Variants in CFAP43 observed in about 807,000 individuals in gnomAD.
CFAP43 encodes the protein cilia- and flagella-associated protein 43.
CFAP43 carries 155 observed loss-of-function variants against 218.9 expected under a neutral mutation model. The observed-to-expected ratio is 0.71, with a 90% confidence interval of 0.62 to 0.81. CFAP43 has a LOEUF of 0.81. Ranked by LOEUF, CFAP43 falls within the 30% of genes least tolerant of loss-of-function variation. CFAP43 has a pLI of 0.00. For synonymous variants in CFAP43, 645 were observed against 681.3 expected, an observed-to-expected ratio of 0.95 and a Z score of 0.83; for missense variants, 1,778 against 1,954.3, an observed-to-expected ratio of 0.91 and a Z score of 1.70.
intron 3 of CFAP43, among the ~76,000 whole-genome samples, chr10:104,219,170 A>G (rs945993763): frequency 6.6e-6 from 1 of 150,934 alleles, no homozygotes; most frequent in Non-Finnish European, 1.5e-5. Context: ...GAATAGCATC[A>G]GAGTGTCCCT....
At position 104,140,839 on chromosome 10, in the gene CFAP43, T is replaced by C; in HGVS notation, c.4431+3A>G. 6.3e-7 allele frequency: 1 copy of C among 1,588,106 alleles called. No individual in the cohort carries two copies. Among genetic ancestry groups the C allele is most frequent in the Non-Finnish European group, 8.5e-7 (1 of 1,171,114 alleles). On this transcript the variant is annotated splice_donor_region_variant and intron_variant, in intron 34 of 37. Transcript: ENST00000357060. ...TTAAAATAAAAATAAAAAGTATAAT[T>C]ACCCGAATCACAGAATTCAAGTCTT...
rs1323522801 is a variant in CFAP43, at chr10:104,203,700, T to A, written c.1067A>T (p.Tyr356Phe). 3 of 1,610,816 alleles carry A rather than the reference T, an allele frequency of 1.9e-6. No individual in the cohort carries two copies. The highest frequency in any genetic ancestry group is 2.5e-6 in the Non-Finnish European group (3 of 1,178,718). Residue 356 changes from tyrosine (Y) to phenylalanine (F), a missense_variant, in exon 8 of 38, where the codon TAT becomes TTT. Coordinates refer to ENST00000357060, the MANE Select transcript of CFAP43 (RefSeq NM_025145.7). ...PVEHMTFSPN[Y>F]TVLLIQTDKG... Reference sequence around the variant, plus strand: ...GTCTGTTTGAATCAGCAACACTGTATAATTGGGAGAAAATGTCATATGTTC... The same window carrying A: ...GTCTGTTTGAATCAGCAACACTGTAAAATTGGGAGAAAATGTCATATGTTC...
Position 104,225,492 on chromosome 10 carries a change from A to G in CFAP43, c.385T>C (p.Ser129Pro). 6.2e-7 allele frequency: 1 copy of G among 1,612,912 alleles called. No individual in the cohort carries two copies. The highest frequency in any genetic ancestry group is 8.5e-7 in the Non-Finnish European group (1 of 1,179,248). ...GCCAGTTCAAATTCTGGGAGAGAGG[A>G]GTAACTAGCCAGGTAGGTGCCACAG... Reference protein sequence around the residue: ...SYCGTYLASYSSLPEFELALW... With the variant: ...SYCGTYLASYPSLPEFELALW... Residue 129 changes from serine (S) to proline (P), a missense_variant, in exon 3 of 38, where the codon TCC (serine) becomes CCC (proline). Ser to Pro is a moderately conservative substitution (Grantham distance 74). Transcript: ENST00000357060.
At chr10:104,168,625 G>A in intron 21 of CFAP43, 119 bp downstream of exon 21, 1 of 751,584 alleles carries the variant, frequency 1.3e-6, no homozygotes, top group Non-Finnish European at 2.2e-6. Flanking sequence ...ATAGGAAGGG[G>A]CAAGCCATGC....
At chr10:104,146,030 T>C (rs1028640708) in intron 30 of CFAP43, among the ~76,000 whole-genome samples, 2 of 152,188 alleles carry the variant, frequency 1.3e-5, no homozygotes, top group Non-Finnish European at 2.9e-5. Context: ...GGCTAGATGA[T>C]TTCCCTGTAT....
intron 20 of CFAP43, 56 bp downstream of exon 20, chr10:104,172,354 A>C: frequency 6.4e-7 from 1 of 1,572,882 alleles, no homozygotes; most frequent in Non-Finnish European, 8.6e-7. Flanking sequence ...CATTCCTATT[A>C]TCTTTTTACT....
At chr10:104,162,440 AC>A (rs1564739871) in intron 24 of CFAP43, 37 bp from the exon 25 acceptor site, 2 of 1,567,848 alleles carry the variant, frequency 1.3e-6, no homozygotes, top group Non-Finnish European at 1.8e-6. Flanking sequence ...TATTATTCTT[AC>A]AAAATTCAAA....
intron 27 of CFAP43, among the ~76,000 whole-genome samples, chr10:104,158,457 C>A (rs1431335290): frequency 6.6e-6 from 1 of 152,054 alleles, no homozygotes. Flanking sequence ...AAATACTGCA[C>A]CTAAATCTAA....
At position 104,209,029 on chromosome 10, in the gene CFAP43, T is replaced by C. The variant is rs59638997; in HGVS notation, c.736-1205A>G. Among the ~76,000 whole-genome samples the C allele has an allele frequency of 1.4e-3, 213 of 152,328 alleles. 5 individuals carry two copies. The East Asian group carries it at 0.039, about 28-fold the overall frequency. ...AATAGATAATGGGATTATTTGATGTTTGTAATTTTTTAAAAGTCCACAACT... is the reference window on the plus strand; with the variant it reads ...AATAGATAATGGGATTATTTGATGTCTGTAATTTTTTAAAAGTCCACAACT... On this transcript the variant is annotated intron_variant, in intron 5 of 37. Coordinates refer to ENST00000357060, the MANE Select transcript of CFAP43 (RefSeq NM_025145.7).
intron 32 of CFAP43, 25 bp from the exon 33 acceptor site, chr10:104,142,418 G>A (rs759158146): frequency 6.3e-7 from 1 of 1,588,314 alleles, no homozygotes; most frequent in Admixed American, 1.7e-5. Flanking sequence ...CCAGAAACAT[G>A]TCAGAACATA....
At chr10:104,173,857 A>C (rs116980416) in intron 19 of CFAP43, among the ~76,000 whole-genome samples, 213 of 152,360 alleles carry the variant, frequency 1.4e-3, no homozygotes, top group Non-Finnish European at 2.6e-3. Flanking sequence ...TAAATCACTA[A>C]ATATTTGGGG....
intron 21 of CFAP43, 149 bp from the exon 22 acceptor site, chr10:104,167,886 T>C: frequency 1.8e-6 from 1 of 551,182 alleles, no homozygotes; most frequent in Non-Finnish European, 3.2e-6. Context: ...TTTTTAAAAA[T>C]AAAACAATGT....
At chr10:104,168,427 A>G (rs997025733) in intron 21 of CFAP43, among the ~76,000 whole-genome samples, 1 of 152,162 alleles carries the variant, frequency 6.6e-6, no homozygotes, top group African/African-American at 2.4e-5. Flanking sequence ...GATTTCGTCT[A>G]CCTTTCAATC....
chr10:104,225,925 T>A (rs1270914062), intron 2 of CFAP43, among the ~76,000 whole-genome samples: 1 of 152,260 alleles, frequency 6.6e-6, no homozygotes, highest in African/African-American at 2.4e-5. Context: ...TTTAAATATC[T>A]TGGGAAGTTG....
chr10:104,193,821 G>A (rs374119324), intron 11 of CFAP43, 45 bp downstream of exon 11: 82 of 1,585,336 alleles, frequency 5.2e-5, no homozygotes, highest in Non-Finnish European at 6.8e-5. Context: ...ATTTTCAACA[G>A]ACGGGTGTGA....
chr10:104,172,014 A>G (rs545506858), intron 20 of CFAP43, among the ~76,000 whole-genome samples: 1 of 152,318 alleles, frequency 6.6e-6, no homozygotes, highest in African/African-American at 2.4e-5. Flanking sequence ...GGGGCCATAG[A>G]GTAGGAAGTG....
chr10:104,135,444 A>T (rs1360308158), intron 34 of CFAP43, among the ~76,000 whole-genome samples: 2 of 152,214 alleles, frequency 1.3e-5, no homozygotes, highest in Non-Finnish European at 1.5e-5. Flanking sequence ...AACAATTTCT[A>T]TTCACAGATT....
At position 104,182,429 on chromosome 10, in the gene CFAP43, C is replaced by A. The variant is rs570132106; in HGVS notation, c.2226G>T (p.Glu742Asp). 5.5e-5 allele frequency: 88 copies of A among 1,612,594 alleles called. No homozygotes were observed. Among genetic ancestry groups the A allele is most frequent in the Non-Finnish European group, 7.0e-5 (82 of 1,179,500 alleles). The change falls in exon 17 of 38, where the codon GAG (glutamate) becomes GAT (aspartate). Residue 742 changes from glutamate (E) to aspartate (D), a missense_variant. Glu to Asp is a conservative substitution (Grantham distance 45). Transcript: ENST00000357060. ...TTGGTGTTGTGCTTAAATAATGATT[C>A]TCCTTGTCCATGGCGCTGCTCAGGG... is the stretch of plus-strand genomic sequence containing the variant. ...LISLSSAMDK[E>D]NHYLSTTPKV...
intron 3 of CFAP43, among the ~76,000 whole-genome samples, chr10:104,222,262 C>T (rs993061858): frequency 2.6e-5 from 4 of 152,172 alleles, no homozygotes; most frequent in Non-Finnish European, 5.9e-5. Context: ...GCATCCTCCT[C>T]CCTGTTCATC....
Sources: gnomAD v4.1 joint callset for allele counts (sites outside exome capture counted in the v4.1 genomes callset) on GRCh38, gnomAD v4.1.1 for gene constraint, MANE v1.5 for transcripts, NCBI Gene and HGNC (gene_info 2026-07-23, HGNC 2026-07-21) for gene names.